Variants in WNT8B observed in about 807,000 individuals in gnomAD.
WNT8B encodes Wnt family member 8B.
A neutral mutation model predicts 36.6 loss-of-function variants in WNT8B; 24 were observed. The ratio of observed to expected loss-of-function variants is 0.66; its 90% CI spans 0.48 to 0.92. The LOEUF is 0.92. Among genes scored for constraint, WNT8B ranks in the 40% least tolerant of loss-of-function variants. The pLI, the probability that WNT8B is intolerant of heterozygous loss-of-function variation, is 0.00. For synonymous variants in WNT8B, 199 were observed against 189.8 expected (o/e 1.05, Z -0.40); for missense variants, 402 against 470.8 (o/e 0.85, Z 1.35).
chr10:100,477,303 AT>A (rs1307620244), intron 1 of WNT8B, among the ~76,000 whole-genome samples: 3 of 151,246 alleles, frequency 2.0e-5, no homozygotes, highest in South Asian at 2.1e-4. Flanking sequence ...TTATTTATTT[AT>A]TTTATTTTAT....
At position 100,482,589 on chromosome 10, in the gene WNT8B, C is replaced by CG; in HGVS notation, c.832dup (p.Ala278GlyfsTer57). The CG allele has an allele frequency of 6.3e-7, 1 of 1,597,744 alleles. No homozygotes were observed. Among genetic ancestry groups the CG allele is most frequent in the Middle Eastern group, 1.7e-4 (1 of 5,962 alleles). On this transcript the variant is annotated frameshift_variant, in exon 6 of 6. Coordinates refer to ENST00000343737, the MANE Select transcript of WNT8B (RefSeq NM_003393.4). LOFTEE classifies it high-confidence loss of function. The surrounding 1 kb of genome is among the most constrained non-coding windows in gnomAD (Gnocchi z 6.6). ...AGGCCGAGAGTGCCTAAGGCGCGGG[C>CG]GGGCCCTGGGTCGCTGGGAACGCCG...
intron 1 of WNT8B, among the ~76,000 whole-genome samples, chr10:100,477,940 C>G (rs1046355471): frequency 2.1e-5 from 3 of 145,110 alleles, no homozygotes; most frequent in African/African-American, 8.2e-5. Flanking sequence ...CCATGCCTAG[C>G]TATTTTTTTT....
At chr10:100,481,620 C>G (rs540857925) in intron 4 of WNT8B, among the ~76,000 whole-genome samples, 1 of 152,214 alleles carries the variant, frequency 6.6e-6, no homozygotes, top group African/African-American at 2.4e-5. Context: ...ACCCTCTGCC[C>G]ATGCGAAGAG....
Position 100,480,139 on chromosome 10 carries a change from C to T in WNT8B, c.241+127C>T, listed in dbSNP as rs139622925. 157 of 1,186,092 alleles carry T rather than the reference C, an allele frequency of 1.3e-4. No individual in the cohort carries two copies. In the African/African-American group the frequency reaches 2.2e-3, roughly 17 times the overall value. The allele number at this position is 1,186,092 out of a possible 1,614,324, so 73.5% of individuals were successfully genotyped here. A position where few individuals can be genotyped will look rare whatever the true frequency, so the allele number is the denominator to read the frequency against. On this transcript the variant is annotated intron_variant, in intron 3 of 5. Coordinates refer to ENST00000343737, the MANE Select transcript of WNT8B (RefSeq NM_003393.4). The stretch of plus-strand genomic sequence containing the variant: ...CTCTTCTCTTAGGTCATCTCCCTCT[C>T]CAGGATCTTCTCTTTTCCTTTTCTA...
chr10:100,476,257 C>T (rs984462627), intron 1 of WNT8B, among the ~76,000 whole-genome samples: 7 of 151,822 alleles, frequency 4.6e-5, no homozygotes, highest in Middle Eastern at 3.2e-3. Flanking sequence ...TGCAGTAAGC[C>T]GAGATGGCAC....
intron 1 of WNT8B, among the ~76,000 whole-genome samples, chr10:100,471,079 G>A (rs148813165): frequency 6.6e-6 from 1 of 152,308 alleles, no homozygotes; most frequent in East Asian, 1.9e-4. Context: ...TTACCATCAT[G>A]TTATAATTGC....
chr10:100,465,424 A>T (rs1208807307), intron 1 of WNT8B, among the ~76,000 whole-genome samples: 1 of 152,110 alleles, frequency 6.6e-6, no homozygotes, highest in Non-Finnish European at 1.5e-5. Context: ...AACCAATTTG[A>T]TTTTCCTTCC....
intron 1 of WNT8B, among the ~76,000 whole-genome samples, chr10:100,476,066 CAGA>C (rs1168411845): frequency 6.6e-6 from 1 of 150,916 alleles, no homozygotes; most frequent in East Asian, 1.9e-4. Flanking sequence ...CCGAGGAGGG[CAGA>C]TCACGAGGTC....
chr10:100,481,694 G>A (rs948618696), intron 4 of WNT8B, among the ~76,000 whole-genome samples: 22 of 152,178 alleles, frequency 1.4e-4, no homozygotes, highest in Admixed American at 1.0e-3. Flanking sequence ...TACTTACGTC[G>A]TTGAGCCCTG....
chr10:100,470,923 A>G (rs1055223315), intron 1 of WNT8B, among the ~76,000 whole-genome samples: 1 of 152,002 alleles, frequency 6.6e-6, no homozygotes, highest in Admixed American at 6.5e-5. Context: ...TTGTATTTTT[A>G]GTAGAGATGG....
intron 1 of WNT8B, among the ~76,000 whole-genome samples, chr10:100,473,795 G>T (rs557486770): frequency 5.9e-5 from 9 of 152,068 alleles, no homozygotes; most frequent in Non-Finnish European, 1.3e-4. Flanking sequence ...ACATGGTAGT[G>T]CATGCCTGTA....
intron 1 of WNT8B, among the ~76,000 whole-genome samples, chr10:100,465,556 C>T (rs1215278149): frequency 6.6e-6 from 1 of 152,144 alleles, no homozygotes; most frequent in African/African-American, 2.4e-5. Context: ...CTGTTCATTT[C>T]TCACTCTCTC....
At chr10:100,473,367 C>T (rs1016747512) in intron 1 of WNT8B, among the ~76,000 whole-genome samples, 3 of 152,304 alleles carry the variant, frequency 2.0e-5, no homozygotes. Flanking sequence ...ACCTTCACCA[C>T]AATCCATTTT....
Position 100,479,881 on chromosome 10 carries a change from T to C in WNT8B, c.110T>C (p.Leu37Pro). The C allele has an allele frequency of 6.2e-7, 1 of 1,614,026 alleles. No individual in the cohort carries two copies. The highest frequency in any genetic ancestry group is 8.5e-7 in the Non-Finnish European group (1 of 1,179,908). Residue 37 changes from leucine to proline, a missense_variant, in exon 3 of 6, where the codon CTG becomes CCG. By Grantham distance (98) the Leu-to-Pro change is moderately conservative (BLOSUM62 -3). Transcript: ENST00000343737. Reference protein sequence around the residue: ...NFLMTGPKAYLIYSSSVAAGA... With the variant: ...NFLMTGPKAYPIYSSSVAAGA... ...ACCCCTATGTCCCTACAGGCTTACC[T>C]GATTTACTCCAGCAGTGTGGCAGCT...
At position 100,479,962 on chromosome 10, in the gene WNT8B, A is replaced by G. The variant is rs374706087; in HGVS notation, c.191A>G (p.Asn64Ser). The stretch of plus-strand genomic sequence containing the variant: ...TATCAGTTTGCCTGGGACCGCTGGA[A>G]CTGCCCTGAGAGAGCCCTGCAGCTG... ...CKYQFAWDRW[N>S]CPERALQLSS... Residue 64 changes from asparagine to serine, a missense_variant, in exon 3 of 6, where the codon AAC becomes AGC. Asn to Ser is a conservative substitution (Grantham distance 46, BLOSUM62 1). Transcript: ENST00000343737. 6.2e-6 allele frequency: 10 copies of G among 1,613,812 alleles called. No individual in the cohort carries two copies. The highest frequency in any genetic ancestry group is 8.5e-6 in the Non-Finnish European group (10 of 1,179,916).
chr10:100,475,244 A>AAAAC (rs771857420), intron 1 of WNT8B, among the ~76,000 whole-genome samples: 1 of 152,208 alleles, frequency 6.6e-6, no homozygotes, highest in Admixed American at 6.5e-5. Flanking sequence ...TCCGTCTCAA[A>AAAAC]AAACAAACAA....
chr10:100,472,286 A>T (rs1850987932), intron 1 of WNT8B, among the ~76,000 whole-genome samples: 1 of 151,110 alleles, frequency 6.6e-6, no homozygotes, highest in Non-Finnish European at 1.5e-5. Context: ...AATTTTTTGT[A>T]TTTTTAGTAG....
chr10:100,482,184 T>A lies in WNT8B; in HGVS notation c.511-87T>A. Reference sequence around the variant, plus strand: ...TACCAAGTGGGCTGGCCCAGTAGACTAACTAGACTTCTCGCAACTCCCACA... The same window carrying A: ...TACCAAGTGGGCTGGCCCAGTAGACAAACTAGACTTCTCGCAACTCCCACA... On this transcript the variant is annotated intron_variant, in intron 5 of 5. Coordinates refer to ENST00000343737, the MANE Select transcript of WNT8B (RefSeq NM_003393.4). This position sits in a 1 kb window ranked among gnomAD's most constrained non-coding sequence, Gnocchi z 6.6. 6.5e-7 allele frequency: 1 copy of A among 1,535,046 alleles called. No homozygotes were observed. Among genetic ancestry groups the A allele is most frequent in the Non-Finnish European group, 8.7e-7 (1 of 1,143,500 alleles).
Position 100,483,548 on chromosome 10 carries a change from C to T in WNT8B, c.*732C>T, listed in dbSNP as rs561863417. 3.3e-5 allele frequency: 5 copies of T among 152,204 alleles called. No individual in the cohort carries two copies. Among genetic ancestry groups the T allele is most frequent in the East Asian group, 1.9e-4 (1 of 5,198 alleles). 9.4% of individuals were successfully genotyped at this position (152,204 alleles called of 1,614,324 possible). A position where few individuals can be genotyped will look rare whatever the true frequency, so the allele number is the denominator to read the frequency against. On this transcript the variant is annotated 3_prime_UTR_variant, in exon 6 of 6. Transcript: ENST00000343737. ...CCCGAGGGACTCCAGATACATACCC[C>T]GAAGGTCTAGGAAATACGTTAAGGG...
Sources: gnomAD v4.1 joint callset for allele counts (sites outside exome capture counted in the v4.1 genomes callset) on GRCh38, gnomAD v4.1.1 for gene constraint, Gnocchi (gnomAD v3.1) non-coding constraint, MANE v1.5 for transcripts, NCBI Gene and HGNC (gene_info 2026-07-23, HGNC 2026-07-21) for gene names.